WDR41: variants seen among roughly 807,000 people sequenced by gnomAD.
WDR41 encodes WD repeat-containing protein 41.
In WDR41, 63 loss-of-function variants were observed where a neutral mutation model predicts 69.3. The observed-to-expected ratio is 0.91, with a 90% CI of 0.74 to 1.12. The LOEUF is 1.12. Among genes scored for constraint, WDR41 ranks in the 50% most tolerant of loss-of-function variants. The pLI, the probability that WDR41 is intolerant of heterozygous loss-of-function variation, is 0.00. For missense variants in WDR41, 543 were observed against 534.5 expected (o/e 1.02, Z -0.16); for synonymous variants, 185 against 192.1 (o/e 0.96, Z 0.31).
chr5:77,431,392 G>C lies in WDR41; in HGVS notation c.*1743C>G, dbSNP rs188764865. ...TTTTTAGCAATAAAGTATTCTTAAG[G>C]TATGTACATTTTTTAGAAATTTAAG... On this transcript the variant is annotated 3_prime_UTR_variant, in exon 13 of 13. Coordinates refer to ENST00000296679, the MANE Select transcript of WDR41 (RefSeq NM_018268.4). 1 of 152,268 alleles carries C rather than the reference G, an allele frequency of 6.6e-6. No homozygotes were observed. The highest frequency in any genetic ancestry group is 6.5e-5 in the Admixed American group (1 of 15,288). 9.4% of individuals were successfully genotyped at this position (152,268 alleles called of 1,614,324 possible). A position where few individuals can be genotyped will look rare whatever the true frequency, so the allele number is the denominator to read the frequency against.
chr5:77,516,188 G>A (rs1802289388), intron 1 of WDR41, among the ~76,000 whole-genome samples: 1 of 152,098 alleles, frequency 6.6e-6, no homozygotes, highest in East Asian at 1.9e-4. Context: ...TAAGTTACTA[G>A]TAGGCAAAGA....
At chr5:77,533,733 A>T (rs187495538) in intron 1 of WDR41, among the ~76,000 whole-genome samples, 3 of 152,288 alleles carry the variant, frequency 2.0e-5, no homozygotes, top group Non-Finnish European at 4.4e-5. Flanking sequence ...GTAAAATAAT[A>T]TACTAATATT....
intron 1 of WDR41, among the ~76,000 whole-genome samples, chr5:77,520,114 C>G (rs867446738): frequency 6.6e-6 from 1 of 152,000 alleles, no homozygotes; most frequent in African/African-American, 2.4e-5. Flanking sequence ...TGTATCTTGC[C>G]CTTTTGGTGT....
chr5:77,604,813 G>A (rs894261360), intron 1 of WDR41, among the ~76,000 whole-genome samples: 4 of 152,048 alleles, frequency 2.6e-5, no homozygotes, highest in Non-Finnish European at 5.9e-5. Context: ...TAAAAAAAAT[G>A]AGAAAGCTCT....
intron 1 of WDR41, among the ~76,000 whole-genome samples, chr5:77,591,756 CTT>C (rs1311288630): frequency 6.6e-6 from 1 of 152,070 alleles, no homozygotes. Flanking sequence ...TCAGAAAACA[CTT>C]TGTAAGATTT....
At chr5:77,578,105 CA>C (rs1561229397) in intron 1 of WDR41, among the ~76,000 whole-genome samples, 1 of 152,086 alleles carries the variant, frequency 6.6e-6, no homozygotes, top group African/African-American at 2.4e-5. Flanking sequence ...ATTCAAAATG[CA>C]AAGTACAGTT....
intron 1 of WDR41, among the ~76,000 whole-genome samples, chr5:77,613,948 A>G (rs1329084646): frequency 6.6e-6 from 1 of 152,256 alleles, no homozygotes; most frequent in Non-Finnish European, 1.5e-5. Context: ...CAAATTTACA[A>G]GAAAAAAACA....
chr5:77,490,726 C>A, intron 1 of WDR41, among the ~76,000 whole-genome samples: 1 of 152,062 alleles, frequency 6.6e-6, no homozygotes, highest in East Asian at 1.9e-4. Flanking sequence ...GAATGGGAGA[C>A]CTGGTTAAGC....
chr5:77,513,111 T>G (rs1282208038), intron 1 of WDR41, among the ~76,000 whole-genome samples: 1 of 152,192 alleles, frequency 6.6e-6, no homozygotes, highest in East Asian at 1.9e-4. Context: ...TATGGTTTTG[T>G]TTCACCTTCA....
At chr5:77,498,749 C>T (rs1028255055) in intron 1 of WDR41, among the ~76,000 whole-genome samples, 2 of 150,222 alleles carry the variant, frequency 1.3e-5, no homozygotes, top group African/African-American at 4.9e-5. Flanking sequence ...AGCTCAGGAG[C>T]TAGAGGCTGC....
intron 1 of WDR41, among the ~76,000 whole-genome samples, chr5:77,617,327 CT>C (rs1314668008): frequency 6.6e-6 from 1 of 152,118 alleles, no homozygotes; most frequent in Non-Finnish European, 1.5e-5. Context: ...TGTGTTTTCA[CT>C]TAGGAGACTT....
intron 2 of WDR41, among the ~76,000 whole-genome samples, chr5:77,483,567 C>T (rs1239211163): frequency 6.7e-6 from 1 of 149,306 alleles, no homozygotes; most frequent in African/African-American, 2.5e-5. Flanking sequence ...CGCTCATTAA[C>T]CTGTCTTTTG....
intron 1 of WDR41, among the ~76,000 whole-genome samples, chr5:77,550,276 C>CA (rs200126883): frequency 9.2e-5 from 14 of 151,388 alleles, no homozygotes; most frequent in East Asian, 1.9e-4. Flanking sequence ...TTCGGCACAG[C>CA]AAAAAAAATG....
chr5:77,518,976 T>C (rs1802333329), intron 1 of WDR41, among the ~76,000 whole-genome samples: 1 of 152,088 alleles, frequency 6.6e-6, no homozygotes, highest in African/African-American at 2.4e-5. Flanking sequence ...GCAAGAACAC[T>C]ACATTTATTA....
At chr5:77,553,317 T>A (rs540393227) in intron 1 of WDR41, among the ~76,000 whole-genome samples, 21 of 152,258 alleles carry the variant, frequency 1.4e-4, no homozygotes, top group African/African-American at 4.6e-4. Context: ...TGTTGCTGCA[T>A]CCTCTTGAGG....
At chr5:77,564,596 C>A (rs891009776) in intron 1 of WDR41, among the ~76,000 whole-genome samples, 6 of 152,088 alleles carry the variant, frequency 3.9e-5, no homozygotes, top group Non-Finnish European at 7.4e-5. Context: ...CCTTTTACTG[C>A]GCAATGGTAG....
chr5:77,563,785 A>G (rs1326364878), intron 1 of WDR41, among the ~76,000 whole-genome samples: 1 of 152,198 alleles, frequency 6.6e-6, no homozygotes, highest in East Asian at 1.9e-4. Context: ...AAGAAATAGA[A>G]TGCAAAATTT....
chr5:77,541,487 C>CTTTTT (rs11335010), intron 1 of WDR41, among the ~76,000 whole-genome samples: 12 of 97,804 alleles, frequency 1.2e-4, no homozygotes, highest in Non-Finnish European at 2.0e-4. Context: ...AAAAGGAATT[C>CTTTTT]TTTTTTTTTT....
chr5:77,448,539 G>A (rs185616218), intron 8 of WDR41, among the ~76,000 whole-genome samples: 8 of 152,068 alleles, frequency 5.3e-5, no homozygotes, highest in Admixed American at 2.6e-4. Context: ...TGTGTCCCTC[G>A]CTCCCCTTTG....
Sources: allele counts gnomAD v4.1 joint callset (sites outside exome capture counted in the v4.1 genomes callset), GRCh38; gene constraint gnomAD v4.1.1; transcripts MANE v1.5; gene names NCBI Gene and HGNC (gene_info 2026-07-23, HGNC 2026-07-21).